The following MORN1 variants were observed in gnomAD, a reference collection of about 807,000 sequenced individuals.
The protein encoded by MORN1 is MORN repeat containing 1, also known as MORN repeat-containing protein 1.
MORN1 carries 67 observed loss-of-function variants against 61.9 expected under a neutral mutation model. The ratio of observed to expected loss-of-function variants is 1.08; its 90% CI spans 0.89 to 1.33. The LOEUF is 1.33. MORN1 is among the 40% of genes most tolerant of loss of function. The pLI is 0.00. For missense variants in MORN1, 752 were observed against 691.2 expected (o/e 1.09, Z -0.99); for synonymous variants, 301 against 292.0 (o/e 1.03, Z -0.31).
chr1:2,344,223 G>A (rs900805535), intron 10 of MORN1, among the ~76,000 whole-genome samples: 8 of 152,152 alleles, frequency 5.3e-5, no homozygotes, highest in Non-Finnish European at 7.4e-5. Context: ...TTGCGAGAGC[G>A]GCATCACCTG....
In MORN1 at chr1:2,357,295, CACCCACGCGTGATGACTG is replaced by C; in HGVS notation, c.1036+119_1036+136del. 1 of 915,562 alleles carries C rather than the reference CACCCACGCGTGATGACTG, an allele frequency of 1.1e-6. No homozygotes were observed. Among genetic ancestry groups the C allele is most frequent in the Non-Finnish European group, 1.6e-6 (1 of 618,576 alleles). 56.7% of individuals were successfully genotyped at this position (915,562 alleles called of 1,614,324 possible). On this transcript the variant is annotated intron_variant, in intron 10 of 13. Coordinates refer to ENST00000378531, the MANE Select transcript of MORN1 (RefSeq NM_024848.3). The surrounding 1 kb of genome is among the most constrained non-coding windows in gnomAD (Gnocchi z 6.3). ...TGGGCTGCCCGGCCCTGCCTCCTTT[CACCCACGCGTGATGACTG>C]ACCCTGGGTGCGGCTTGCTCCTGCT... is the stretch of plus-strand genomic sequence containing the variant.
chr1:2,347,212 C>T (rs2173048), intron 10 of MORN1, among the ~76,000 whole-genome samples: 26,607 of 152,174 alleles, frequency 0.17, 2,447 homozygotes, highest in Middle Eastern at 0.28. Flanking sequence ...GCAGGGGACA[C>T]GTCCCCTTGG....
At chr1:2,322,446 G>C (rs897706962) in intron 13 of MORN1, 2 of 985,294 alleles carry the variant, frequency 2.0e-6, no homozygotes, top group Non-Finnish European at 2.4e-6. Flanking sequence ...GCAGAGCGGC[G>C]GCCTCCTCGG....
intron 12 of MORN1, chr1:2,326,278 C>T (rs1017872471): frequency 6.6e-6 from 1 of 152,238 alleles, no homozygotes; most frequent in African/African-American, 2.4e-5. Context: ...CCACGTAAGA[C>T]ACAGGAGTGC....
chr1:2,383,539 T>C (rs1642418372), intron 6 of MORN1, among the ~76,000 whole-genome samples: 1 of 152,206 alleles, frequency 6.6e-6, no homozygotes, highest in Non-Finnish European at 1.5e-5. Context: ...CAACTGACAT[T>C]GTAATTCTGC....
intron 6 of MORN1, among the ~76,000 whole-genome samples, chr1:2,379,441 G>A (rs893016251): frequency 1.2e-4 from 18 of 152,196 alleles, no homozygotes; most frequent in Non-Finnish European, 2.6e-4. Flanking sequence ...CGCCTACCTC[G>A]TGGCCCTGAT....
At chr1:2,364,810 A>T (rs1641965911) in intron 8 of MORN1, among the ~76,000 whole-genome samples, 1 of 152,046 alleles carries the variant, frequency 6.6e-6, no homozygotes, top group African/African-American at 2.4e-5. Context: ...CCATTTATTA[A>T]ATAGGGAATC....
intron 5 of MORN1, 140 bp downstream of exon 5, chr1:2,385,667 G>A: frequency 1.4e-6 from 1 of 690,406 alleles, no homozygotes; most frequent in Non-Finnish European, 2.6e-6. Context: ...GCACTGGGGG[G>A]GTGGCGGGTA....
At position 2,323,714 on chromosome 1, in the gene MORN1, G is replaced by A. The variant is rs187280826; in HGVS notation, c.1297+383C>T. ...CCCAGGCCCACCAAGCCCTGCAGCC[G>A]GCCTTGCTGGGGAGCAGCTCCTCAT... On this transcript the variant is annotated intron_variant, in intron 13 of 13. Coordinates refer to ENST00000378531, the MANE Select transcript of MORN1 (RefSeq NM_024848.3). 4.4e-5 allele frequency: 43 copies of A among 985,286 alleles called. No individual in the cohort carries two copies. In the East Asian group the frequency reaches 1.6e-3, roughly 37 times the overall value. 61.0% of individuals were successfully genotyped at this position (985,286 alleles called of 1,614,324 possible).
intron 10 of MORN1, among the ~76,000 whole-genome samples, chr1:2,347,908 T>G (rs1363455275): frequency 6.6e-6 from 1 of 152,218 alleles, no homozygotes; most frequent in Admixed American, 6.5e-5. Flanking sequence ...GAAAGTCCGC[T>G]GCTGAATTTG....
chr1:2,359,074 G>C (rs1284634145), intron 8 of MORN1, among the ~76,000 whole-genome samples: 1 of 152,142 alleles, frequency 6.6e-6, no homozygotes. Flanking sequence ...CTATGGGAAG[G>C]CATCTCCTTG....
At chr1:2,326,328 G>A (rs1641025624) in intron 12 of MORN1, 2 of 152,232 alleles carry the variant, frequency 1.3e-5, no homozygotes, top group East Asian at 1.9e-4. Flanking sequence ...TCAGCACCGA[G>A]AAGAACTAGT....
chr1:2,355,879 G>A (rs1641752756), intron 10 of MORN1, among the ~76,000 whole-genome samples: 2 of 152,212 alleles, frequency 1.3e-5, no homozygotes, highest in Admixed American at 1.3e-4. Flanking sequence ...CGGCACCCTT[G>A]GGACAGGCAC....
At chr1:2,335,655 G>A (rs1641248931) in intron 12 of MORN1, among the ~76,000 whole-genome samples, 2 of 152,176 alleles carry the variant, frequency 1.3e-5, no homozygotes, top group African/African-American at 2.4e-5. Flanking sequence ...AATCCCAAAC[G>A]TCACAGCTTC....
chr1:2,334,422 C>T lies in MORN1; in HGVS notation c.1250+2047G>A, dbSNP rs1641221988. ...TTCACCTCCATGCTGGGTTCTCAAC[C>T]CAGGAGCGGGCAGAGCTTACGGAGA... On this transcript the variant is annotated intron_variant, in intron 12 of 13. Coordinates refer to ENST00000378531, the MANE Select transcript of MORN1 (RefSeq NM_024848.3). The surrounding 1 kb of genome is among the most constrained non-coding windows in gnomAD (Gnocchi z 5.4). Among the ~76,000 whole-genome samples, 1 of 152,198 alleles carries T rather than the reference C, an allele frequency of 6.6e-6. No individual in the cohort carries two copies. Among genetic ancestry groups the T allele is most frequent in the Non-Finnish European group, 1.5e-5 (1 of 68,030 alleles).
chr1:2,359,689 C>T (rs528138084), intron 8 of MORN1, among the ~76,000 whole-genome samples: 111 of 152,272 alleles, frequency 7.3e-4, no homozygotes, highest in Admixed American at 2.0e-3. Flanking sequence ...TTGAGACCAG[C>T]CTGGCCAACA....
At chr1:2,390,525 C>T in intron 1 of MORN1, 1 of 985,400 alleles carries the variant, frequency 1.0e-6, no homozygotes. Flanking sequence ...CCCGCCAACT[C>T]CTGCAGTTCC....
rs1642144337 is a variant in MORN1 at position 2,372,509 on chromosome 1, CA to C, written c.716del (p.Leu239ArgfsTer194). 1 of 1,613,918 alleles carries C rather than the reference CA, an allele frequency of 6.2e-7. No homozygotes were observed. The highest frequency in any genetic ancestry group is 8.5e-7 in the Non-Finnish European group (1 of 1,179,932). Reference sequence around the variant, plus strand: ...TGGCAATTTCCCCGTGGTCCTGCAGCAGCTGAACGTTCACCGAGAAGGGAGA... The same window carrying C: ...TGGCAATTTCCCCGTGGTCCTGCAGCGCTGAACGTTCACCGAGAAGGGAGA... ...QGSPFSVNVQ[L>X]LQDHGEIAKS... On this transcript the variant is annotated frameshift_variant, in exon 8 of 14. Coordinates refer to ENST00000378531, the MANE Select transcript of MORN1 (RefSeq NM_024848.3). LOFTEE classifies it high-confidence loss of function. This position sits in a 1 kb window ranked among gnomAD's most constrained non-coding sequence, Gnocchi z 5.4.
chr1:2,354,215 C>A (rs1180290825), intron 10 of MORN1, among the ~76,000 whole-genome samples: 8 of 152,186 alleles, frequency 5.3e-5, no homozygotes, highest in African/African-American at 1.7e-4. Context: ...AAAGCAAGGA[C>A]CCTGCCGACC....
Sources: allele counts gnomAD v4.1 joint callset (sites outside exome capture counted in the v4.1 genomes callset), GRCh38; gene constraint gnomAD v4.1.1; non-coding constraint Gnocchi (gnomAD v3.1); transcripts MANE v1.5; gene names NCBI Gene and HGNC (gene_info 2026-07-23, HGNC 2026-07-21).